The following ATP8B4 variants were observed in gnomAD, a reference collection of about 807,000 sequenced individuals.
The protein encoded by ATP8B4 is ATPase phospholipid transporting 8B4 (putative).
Under a neutral mutation model 145.6 loss-of-function variants are expected in ATP8B4, and 133 were observed. The ratio of observed to expected loss-of-function variants is 0.91; its 90% confidence interval spans 0.79 to 1.05. The LOEUF (loss-of-function observed/expected upper bound fraction) is 1.05, where lower values mean the gene tolerates loss of function less well. Among genes scored for constraint, ATP8B4 ranks in the 50% least tolerant of loss-of-function variants. ATP8B4 has a pLI of 0.00. For missense variants in ATP8B4, 1,458 were observed against 1,425.2 expected, an observed-to-expected ratio of 1.02 and a Z score of -0.37; for synonymous variants, 507 against 492.9, an observed-to-expected ratio of 1.03 and a Z score of -0.38.
chr15:50,073,015 TATATACACACACACAC>T lies in ATP8B4; in HGVS notation c.87+1096_87+1111del, dbSNP rs1274519741. ...ATATATATATATATATATATATATATATATACACACACACACACACACACACACACACACACACTAT... is the reference window on the plus strand; with the variant it reads ...ATATATATATATATATATATATATATACACACACACACACACACACACTAT... On this transcript the variant is annotated intron_variant, in intron 3 of 27. Transcript: ENST00000284509. Among the ~76,000 whole-genome samples, 150 of 35,876 alleles carry T rather than the reference TATATACACACACACAC, an allele frequency of 4.2e-3. 4 individuals carry two copies. The highest frequency in any genetic ancestry group is 0.019 in the African/African-American group (142 of 7,648). The allele number at this position is 35,876 out of a possible 152,430, so 23.5% of individuals were successfully genotyped here. A position where few individuals can be genotyped will look rare whatever the true frequency, so the allele number is the denominator to read the frequency against.
At chr15:49,883,317 G>A (rs1423337841) in intron 23 of ATP8B4, 2 of 152,234 alleles carry the variant, frequency 1.3e-5, no homozygotes, top group East Asian at 1.9e-4. Flanking sequence ...AAATGGGCTC[G>A]CATTACAAGC....
intron 14 of ATP8B4, among the ~76,000 whole-genome samples, chr15:49,944,527 G>A (rs1309895137): frequency 6.6e-6 from 1 of 152,158 alleles, no homozygotes; most frequent in Non-Finnish European, 1.5e-5. Flanking sequence ...GCAATTATAA[G>A]TCTACATGCC....
At chr15:50,052,845 T>C (rs142963722) in intron 3 of ATP8B4, among the ~76,000 whole-genome samples, 45 of 152,180 alleles carry the variant, frequency 3.0e-4, no homozygotes, top group African/African-American at 1.0e-3. Flanking sequence ...GTCCTTATTA[T>C]CAAGACCAAA....
intron 1 of ATP8B4, among the ~76,000 whole-genome samples, chr15:50,158,546 C>T (rs1036282355): frequency 6.6e-5 from 10 of 151,972 alleles, no homozygotes; most frequent in Non-Finnish European, 1.3e-4. Flanking sequence ...TCTGCCTGGC[C>T]GCCCCTTCTG....
chr15:49,949,196 T>G (rs747866890), intron 14 of ATP8B4, among the ~76,000 whole-genome samples: 2 of 152,190 alleles, frequency 1.3e-5, no homozygotes, highest in African/African-American at 4.8e-5. Flanking sequence ...TTTTTCTAAT[T>G]CTGTGAAGAA....
intron 7 of ATP8B4, among the ~76,000 whole-genome samples, chr15:50,009,116 T>C (rs1599778475): frequency 6.6e-6 from 1 of 152,190 alleles, no homozygotes; most frequent in Non-Finnish European, 1.5e-5. Context: ...TGTAATCATT[T>C]TAATTGAGAG....
At chr15:50,130,771 A>T (rs2057340574) in intron 1 of ATP8B4, among the ~76,000 whole-genome samples, 1 of 151,920 alleles carries the variant, frequency 6.6e-6, no homozygotes, top group African/African-American at 2.4e-5. Context: ...CAAGGCTCTG[A>T]CTCAAAAAAA....
chr15:49,902,110 T>G, intron 20 of ATP8B4: 1 of 164,800 alleles, frequency 6.1e-6, no homozygotes, highest in East Asian at 1.8e-4. Flanking sequence ...AACAGTTGAG[T>G]GCAGGCTTTG....
At chr15:50,100,926 TA>T (rs894473166) in intron 2 of ATP8B4, among the ~76,000 whole-genome samples, 21 of 152,196 alleles carry the variant, frequency 1.4e-4, no homozygotes, top group African/African-American at 4.1e-4. Flanking sequence ...AACTAATTAA[TA>T]AAAAAACAAT....
At chr15:50,174,345 A>C (rs2044731919) in intron 1 of ATP8B4, among the ~76,000 whole-genome samples, 2 of 152,168 alleles carry the variant, frequency 1.3e-5, no homozygotes, top group Admixed American at 1.3e-4. Flanking sequence ...GTAAAGAGGA[A>C]GGCAAACTGT....
intron 14 of ATP8B4, among the ~76,000 whole-genome samples, chr15:49,943,641 G>A (rs967067966): frequency 7.2e-5 from 11 of 152,158 alleles, no homozygotes; most frequent in Non-Finnish European, 1.2e-4. Flanking sequence ...AAAAACGAAA[G>A]AGAGATAAAG....
chr15:49,859,566 C>T lies in ATP8B4; in HGVS notation c.*628G>A, dbSNP rs1424950558. ...CAGCCTATCCTGCTGCAAAGATGTT[C>T]AGTCTCCTTTGTCCCTAGACTGGTA... On this transcript the variant is annotated 3_prime_UTR_variant, in exon 28 of 28. Transcript: ENST00000284509. 1 of 152,192 alleles carries T rather than the reference C, an allele frequency of 6.6e-6. No individual in the cohort carries two copies. The highest frequency in any genetic ancestry group is 1.5e-5 in the Non-Finnish European group (1 of 68,052). 9.4% of individuals were successfully genotyped at this position (152,192 alleles called of 1,614,324 possible). A position where few individuals can be genotyped will look rare whatever the true frequency, so the allele number is the denominator to read the frequency against.
chr15:50,068,075 C>G (rs577435634), intron 3 of ATP8B4, among the ~76,000 whole-genome samples: 1 of 152,156 alleles, frequency 6.6e-6, no homozygotes, highest in East Asian at 1.9e-4. Flanking sequence ...TGATGTGGGC[C>G]TAAAGAGGCC....
At chr15:49,949,653 C>T (rs765100225) in intron 14 of ATP8B4, among the ~76,000 whole-genome samples, 1 of 151,912 alleles carries the variant, frequency 6.6e-6, no homozygotes, top group African/African-American at 2.4e-5. Flanking sequence ...ATTTGAATAC[C>T]CTTTATTTCT....
chr15:50,009,816 A>G (rs2048593776), intron 7 of ATP8B4: 2 of 366,776 alleles, frequency 5.5e-6, no homozygotes, highest in African/African-American at 2.2e-5. Flanking sequence ...TTGGCTGCCG[A>G]CACCTTTGTG....
intron 1 of ATP8B4, among the ~76,000 whole-genome samples, chr15:50,141,381 T>A (rs541174528): frequency 2.0e-5 from 3 of 152,196 alleles, no homozygotes; most frequent in African/African-American, 7.2e-5. Flanking sequence ...TTGATTCCTA[T>A]TGGAGAAAGA....
At chr15:49,997,534 C>A (rs28377436) in intron 8 of ATP8B4, among the ~76,000 whole-genome samples, 1,537 of 152,112 alleles carry the variant, frequency 0.01, 33 homozygotes, top group African/African-American at 0.036. Context: ...CTTCAGTCAA[C>A]AAATATTGAT....
chr15:49,948,759 T>C (rs1255581147), intron 14 of ATP8B4, among the ~76,000 whole-genome samples: 1 of 152,210 alleles, frequency 6.6e-6, no homozygotes, highest in African/African-American at 2.4e-5. Flanking sequence ...GCCTGTTCAC[T>C]CTGATGATAG....
chr15:49,901,687 C>A, intron 20 of ATP8B4: 1 of 300,798 alleles, frequency 3.3e-6, no homozygotes. Flanking sequence ...ATAAATTCAT[C>A]AATTTGAGGT....
Sources: gnomAD v4.1 joint callset for allele counts (sites outside exome capture counted in the v4.1 genomes callset) on GRCh38, gnomAD v4.1.1 for gene constraint, MANE v1.5 for transcripts, NCBI Gene and HGNC (gene_info 2026-07-23, HGNC 2026-07-21) for gene names.